SIN3B: variants seen among roughly 807,000 people sequenced by gnomAD.
SIN3B encodes the protein paired amphipathic helix protein Sin3b.
SIN3B carries 19 observed loss-of-function variants against 120.2 expected under a neutral mutation model. The observed-to-expected ratio is 0.16, with a 90% confidence interval of 0.11 to 0.23. The LOEUF (loss-of-function observed/expected upper bound fraction) is 0.23. Among genes scored for constraint, SIN3B ranks in the 10% least tolerant of loss-of-function variants. The probability of loss-of-function intolerance (pLI) is 1.00; values close to 1 mark genes in which losing one functional copy is unlikely to be tolerated. For missense variants in SIN3B, 1,073 were observed against 1,573.0 expected (o/e 0.68, Z 5.38); for synonymous variants, 654 against 653.2 (o/e 1.00, Z -0.02).
chr19:16,853,104 C>G lies in SIN3B; in HGVS notation c.885C>G (p.Ser295=). 1 of 1,614,208 alleles carries G rather than the reference C, an allele frequency of 6.2e-7. No homozygotes were observed. ...AACTTCGTGGTACCAAAGACCTGTC[C>G]ATCGCTGCAGTGGGGAAGTACGGGA... ...KMKLRGTKDL[S]IAAVGKYGTL... is the part of the protein sequence containing the mutation. Residue 295 remains serine (S), a synonymous_variant, in exon 7 of 19, where the codon TCC becomes TCG. Transcript: ENST00000248054.
At chr19:16,860,383 G>A (rs1431779699) in intron 8 of SIN3B, among the ~76,000 whole-genome samples, 1 of 152,162 alleles carries the variant, frequency 6.6e-6, no homozygotes, top group Non-Finnish European at 1.5e-5. Context: ...CCCAGCAGTA[G>A]CCTCAGGCAT....
intron 10 of SIN3B, chr19:16,865,171 A>G (rs1254674814): frequency 1.6e-5 from 8 of 509,710 alleles, no homozygotes; most frequent in Non-Finnish European, 2.8e-5. Flanking sequence ...GTGCACACCT[A>G]TATTCCTAGC....
Position 16,865,487 on chromosome 19 carries a change from G to A in SIN3B, c.1461G>A (p.Ala487=), listed in dbSNP as rs141827008. ...ESVQKKLSRM[A]PEDQEKFRLD... ...TGCAGAAGAAGCTGTCTCGGATGGC[G>A]CCGGAAGACCAGGAGAAGTTCCGGC... The change falls in exon 11 of 19, where the codon GCG becomes GCA. Residue 487 remains alanine, a synonymous_variant. Transcript: ENST00000248054. 3.7e-6 allele frequency: 6 copies of A among 1,613,354 alleles called. No individual in the cohort carries two copies. Among genetic ancestry groups the A allele is most frequent in the East Asian group, 2.2e-5 (1 of 44,846 alleles).
At chr19:16,860,114 G>C (rs1465161483) in intron 8 of SIN3B, among the ~76,000 whole-genome samples, 1 of 152,184 alleles carries the variant, frequency 6.6e-6, no homozygotes, top group Non-Finnish European at 1.5e-5. Context: ...GGGGAAGGGC[G>C]TTTGGGGAAG....
Position 16,862,271 on chromosome 19 carries a change from C to A in SIN3B, c.1059-81C>A. ...GACTCTGTTTAACTTGTAATGTCCA[C>A]ATGAAGCCATTCTAAAATCTCCAGA... is the stretch of plus-strand genomic sequence containing the variant. On this transcript the variant is annotated intron_variant, in intron 8 of 18. Coordinates refer to ENST00000248054, the MANE Select transcript of SIN3B (RefSeq NM_001297595.2). This position sits in a 1 kb window ranked among gnomAD's most constrained non-coding sequence, Gnocchi z 4.7. 9.1e-7 allele frequency: 1 copy of A among 1,102,280 alleles called. No individual in the cohort carries two copies. The highest frequency in any genetic ancestry group is 1.4e-6 in the Non-Finnish European group (1 of 739,862). 68.3% of individuals were successfully genotyped at this position (1,102,280 alleles called of 1,614,324 possible). A position where few individuals can be genotyped will look rare whatever the true frequency, so the allele number is the denominator to read the frequency against.
Position 16,847,106 on chromosome 19 carries a change from G to A in SIN3B, c.719G>A (p.Arg240Gln), listed in dbSNP as rs1384662339. The change falls in exon 5 of 19, where the codon CGG becomes CAG. Residue 240 changes from arginine to glutamine, a missense_variant. By Grantham distance (43) the Arg-to-Gln change is conservative (BLOSUM62 1). Coordinates refer to ENST00000248054, the MANE Select transcript of SIN3B (RefSeq NM_001297595.2). ...GGACAGTTCCTGCCCGAAGCCAAGC[G>A]GTCTCTGGTGAGTGCCGAGAGCCCC... ...EFGQFLPEAK[R>Q]SLFTGNGPCE... The A allele has an allele frequency of 1.2e-6, 2 of 1,609,874 alleles. No individual in the cohort carries two copies. Among genetic ancestry groups the A allele is most frequent in the Non-Finnish European group, 1.7e-6 (2 of 1,176,548 alleles).
intron 3 of SIN3B, among the ~76,000 whole-genome samples, chr19:16,834,810 C>A (rs1971325199): frequency 6.6e-6 from 1 of 152,088 alleles, no homozygotes; most frequent in Non-Finnish European, 1.5e-5. Flanking sequence ...CTTCAGGAGT[C>A]CTTTGAGCTT....
At chr19:16,842,180 T>G (rs976857238) in intron 4 of SIN3B, among the ~76,000 whole-genome samples, 1 of 152,022 alleles carries the variant, frequency 6.6e-6, no homozygotes, top group African/African-American at 2.4e-5. Context: ...CTCCACCTCC[T>G]GGGCTCAAGC....
At chr19:16,865,265 G>A (rs772427821) in intron 10 of SIN3B, 145 bp from the exon 11 acceptor site, 164 of 624,962 alleles carry the variant, frequency 2.6e-4, no homozygotes, top group Non-Finnish European at 4.3e-4. Context: ...CAGCACTCAA[G>A]TCTGGGTGAC....
intron 3 of SIN3B, among the ~76,000 whole-genome samples, chr19:16,840,266 A>G (rs3896276): frequency 0.53 from 81,127 of 151,882 alleles, 22,039 homozygotes; most frequent in Non-Finnish European, 0.59. Context: ...CCGTTAGGGT[A>G]GGCCCTAATC....
chr19:16,834,076 A>G (rs961055396), intron 3 of SIN3B, among the ~76,000 whole-genome samples: 1 of 152,224 alleles, frequency 6.6e-6, no homozygotes, highest in Admixed American at 6.5e-5. Flanking sequence ...TGAACTCTGA[A>G]GAGCCTTCCA....
chr19:16,845,841 C>G (rs1266845303), intron 4 of SIN3B, among the ~76,000 whole-genome samples: 1 of 152,220 alleles, frequency 6.6e-6, no homozygotes, highest in Non-Finnish European at 1.5e-5. Flanking sequence ...CTTGCCTCAG[C>G]CTTCCAAGTA....
chr19:16,840,209 T>C (rs1456614800), intron 3 of SIN3B, among the ~76,000 whole-genome samples: 1 of 152,116 alleles, frequency 6.6e-6, no homozygotes, highest in African/African-American at 2.4e-5. Flanking sequence ...CCTCAGAACG[T>C]GACTGTATTT....
rs1430883719 is a variant in SIN3B, at chr19:16,878,742, C to T, written c.*15C>T. On this transcript the variant is annotated 3_prime_UTR_variant, in exon 19 of 19. Coordinates refer to ENST00000248054, the MANE Select transcript of SIN3B (RefSeq NM_001297595.2). Reference sequence around the variant, plus strand: ...CCTCGCCCTGACCCGCCCTCATGGGCACCGGGCAGGCGCCTCACAGAGCAC... The same window carrying T: ...CCTCGCCCTGACCCGCCCTCATGGGTACCGGGCAGGCGCCTCACAGAGCAC... 3 of 1,579,986 alleles carry T rather than the reference C, an allele frequency of 1.9e-6. No homozygotes were observed. In the East Asian group the frequency reaches 6.9e-5, roughly 37 times the overall value.
rs1241663617 is a variant in SIN3B at position 16,841,849 on chromosome 19, C to T, written c.463C>T (p.Leu155=). Residue 155 remains leucine (L), a synonymous_variant, in exon 4 of 19, where the codon CTG becomes TTG. Coordinates refer to ENST00000248054, the MANE Select transcript of SIN3B (RefSeq NM_001297595.2). ...PYKEDKPQVP[L]ESDSVEFNNA... The stretch of plus-strand genomic sequence containing the variant: ...TAAAGAGGACAAACCCCAGGTGCCC[C>T]TGGAGTCCGATTCCGTGGAATTCAA... 16 of 1,613,984 alleles carry T rather than the reference C, an allele frequency of 9.9e-6. No homozygotes were observed. Among genetic ancestry groups the T allele is most frequent in the East Asian group, 2.2e-5 (1 of 44,898 alleles).
chr19:16,877,271 G>A (rs1026660739), intron 16 of SIN3B: 41 of 473,352 alleles, frequency 8.7e-5, no homozygotes, highest in African/African-American at 7.3e-4. Context: ...AGGCTCTGGG[G>A]CGGATCCTTC....
At chr19:16,834,776 A>G (rs1971323902) in intron 3 of SIN3B, among the ~76,000 whole-genome samples, 1 of 152,094 alleles carries the variant, frequency 6.6e-6, no homozygotes, top group Non-Finnish European at 1.5e-5. Context: ...GAGATATCCC[A>G]GGTCCAGGCC....
intron 14 of SIN3B, among the ~76,000 whole-genome samples, chr19:16,873,838 T>A (rs942677367): frequency 6.6e-6 from 1 of 152,248 alleles, no homozygotes; most frequent in Non-Finnish European, 1.5e-5. Flanking sequence ...GTAACCTGCC[T>A]CGAGGCCATG....
At chr19:16,872,089 G>T (rs559468882) in intron 14 of SIN3B, among the ~76,000 whole-genome samples, 1 of 152,114 alleles carries the variant, frequency 6.6e-6, no homozygotes, top group East Asian at 1.9e-4. Flanking sequence ...GACGAGCTGG[G>T]TGTGGTTCCA....
Sources: gnomAD v4.1 joint callset for allele counts (sites outside exome capture counted in the v4.1 genomes callset) on GRCh38, gnomAD v4.1.1 for gene constraint, Gnocchi (gnomAD v3.1) non-coding constraint, MANE v1.5 for transcripts, NCBI Gene and HGNC (gene_info 2026-07-23, HGNC 2026-07-21) for gene names.